Variants in RIMS1 observed in about 807,000 individuals in gnomAD.
The protein encoded by RIMS1 is regulating synaptic membrane exocytosis protein 1.
RIMS1 carries 83 observed loss-of-function variants against 214.1 expected under a neutral mutation model. That is an observed-to-expected ratio of 0.39 (90% CI 0.32 to 0.47). The LOEUF is 0.47. Among genes scored for constraint, RIMS1 ranks in the 20% least tolerant of loss-of-function variants. RIMS1 has a pLI of 0.99. For missense variants in RIMS1, 2,050 were observed against 2,161.8 expected (o/e 0.95, Z 1.03); for synonymous variants, 793 against 786.8 (o/e 1.01, Z -0.13).
At chr6:72,364,152 T>C (rs969811440) in intron 29 of RIMS1, among the ~76,000 whole-genome samples, 5 of 152,220 alleles carry the variant, frequency 3.3e-5, no homozygotes, top group Admixed American at 2.6e-4. Context: ...ATTCTGGCTT[T>C]CCTGTTTTTC....
At chr6:72,105,396 A>G (rs2034539507) in intron 4 of RIMS1, among the ~76,000 whole-genome samples, 1 of 152,128 alleles carries the variant, frequency 6.6e-6, no homozygotes, top group Non-Finnish European at 1.5e-5. Context: ...GTTCATCTTA[A>G]TATAAACGTT....
intron 1 of RIMS1, among the ~76,000 whole-genome samples, chr6:71,943,022 G>A (rs1227179484): frequency 6.6e-6 from 1 of 152,034 alleles, no homozygotes; most frequent in East Asian, 1.9e-4. Context: ...ATTATAACTT[G>A]TATTTTAAAG....
At chr6:72,209,277 C>G (rs541179297) in intron 6 of RIMS1, among the ~76,000 whole-genome samples, 1 of 152,118 alleles carries the variant, frequency 6.6e-6, no homozygotes. Flanking sequence ...CATTTTATAA[C>G]CGGAGTTGCT....
chr6:72,262,295 T>C, intron 19 of RIMS1: 1 of 900,242 alleles, frequency 1.1e-6, no homozygotes, highest in Non-Finnish European at 1.3e-6. Flanking sequence ...CTAATAATTC[T>C]GAGCTCCACA....
rs1057186474 is a variant in RIMS1, at chr6:72,182,742, C to T, written c.1271C>T (p.Ser424Leu). The T allele has an allele frequency of 3.2e-6, 5 of 1,540,842 alleles. No individual in the cohort carries two copies. Among genetic ancestry groups the T allele is most frequent in the Non-Finnish European group, 4.4e-6 (5 of 1,146,784 alleles). Residue 424 changes from serine (S) to leucine (L), a missense_variant, in exon 6 of 34, where the codon TCG becomes TTG. Ser to Leu is a moderately radical substitution (Grantham distance 145). Around this residue, in one of 6 missense-constraint regions of RIMS1, gnomAD observed 882 missense variants for 828.9 expected, o/e 1.06. Transcript: ENST00000521978. ...PAAARASPPD[S>L]PRAYSAERTA... ...GCAGCCAGGGCCTCGCCGCCGGACT[C>T]GCCGCGGGCTTACTCGGCTGAGAGA...
At chr6:72,172,550 C>T (rs888512288) in intron 4 of RIMS1, among the ~76,000 whole-genome samples, 1 of 152,108 alleles carries the variant, frequency 6.6e-6, no homozygotes, top group Non-Finnish European at 1.5e-5. Context: ...CTCTGTCCTT[C>T]CACCCAAAAT....
At chr6:71,902,010 GA>G (rs1163981433) in intron 1 of RIMS1, among the ~76,000 whole-genome samples, 1 of 152,118 alleles carries the variant, frequency 6.6e-6, no homozygotes, top group African/African-American at 2.4e-5. Context: ...GAAGGGGAAA[GA>G]AGCATGAGAA....
In RIMS1 at chr6:72,251,156, T is replaced by A; in HGVS notation, c.2545-59T>A. The A allele has an allele frequency of 1.9e-6, 3 of 1,555,354 alleles. No homozygotes were observed. In the South Asian group the frequency reaches 3.6e-5, roughly 18 times the overall value. ...AAAGTTTTGTGATATTTATTATGAT[T>A]ACTATTACATTATGTTTTGATAAAG... On this transcript the variant is annotated intron_variant, in intron 14 of 33. Coordinates refer to ENST00000521978, the MANE Select transcript of RIMS1 (RefSeq NM_014989.7).
intron 2 of RIMS1, among the ~76,000 whole-genome samples, chr6:72,088,576 G>C (rs1264761075): frequency 1.3e-5 from 2 of 152,058 alleles, no homozygotes; most frequent in African/African-American, 4.8e-5. Flanking sequence ...TTTCATGTTT[G>C]TTCTTGCTTC....
rs1399256361 is a variant in RIMS1, at chr6:71,887,270, G to A, written c.164+83G>A. 2.6e-6 allele frequency: 4 copies of A among 1,518,272 alleles called. No individual in the cohort carries two copies. The African/African-American group carries it at 4.1e-5, about 16-fold the overall frequency. The allele number at this position is 1,518,272 out of a possible 1,614,324, so 94.1% of individuals were successfully genotyped here. A position where few individuals can be genotyped will look rare whatever the true frequency, so the allele number is the denominator to read the frequency against. On this transcript the variant is annotated intron_variant, in intron 1 of 33. Coordinates refer to ENST00000521978, the MANE Select transcript of RIMS1 (RefSeq NM_014989.7). ...ACTCACTCCCCTAGTCCTCGCGGCT[G>A]AGTGTGGGGAAGGGGCTGCCAGGGT...
intron 6 of RIMS1, among the ~76,000 whole-genome samples, chr6:72,207,192 C>T (rs2053073496): frequency 6.6e-6 from 1 of 152,132 alleles, no homozygotes; most frequent in South Asian, 2.1e-4. Flanking sequence ...TTCTGGAAAA[C>T]CACTGGTTTT....
chr6:71,918,781 C>T (rs142400114), intron 1 of RIMS1, among the ~76,000 whole-genome samples: 2 of 152,200 alleles, frequency 1.3e-5, no homozygotes, highest in East Asian at 1.9e-4. Context: ...AGAGCCAGGA[C>T]AGTTCATGCA....
At chr6:72,029,120 T>C (rs1210326945) in intron 2 of RIMS1, among the ~76,000 whole-genome samples, 11 of 152,152 alleles carry the variant, frequency 7.2e-5, no homozygotes, top group Non-Finnish European at 1.0e-4. Flanking sequence ...AAGAGGAATT[T>C]TTGCTTTATT....
intron 6 of RIMS1, among the ~76,000 whole-genome samples, chr6:72,219,478 G>A (rs1298348924): frequency 6.6e-6 from 1 of 151,998 alleles, no homozygotes; most frequent in Admixed American, 6.6e-5. Flanking sequence ...TTTTAGAGAA[G>A]GTTTTACGTG....
chr6:71,976,635 G>A (rs1225567795), intron 2 of RIMS1, among the ~76,000 whole-genome samples: 3 of 151,850 alleles, frequency 2.0e-5, no homozygotes, highest in African/African-American at 7.2e-5. Flanking sequence ...GTTATTTGTG[G>A]TTTTGGTCTT....
At chr6:72,381,508 C>G (rs2098486608) in intron 29 of RIMS1, among the ~76,000 whole-genome samples, 1 of 152,126 alleles carries the variant, frequency 6.6e-6, no homozygotes, top group African/African-American at 2.4e-5. Context: ...TGGCTTTAGC[C>G]AAAATAAGAG....
At chr6:72,340,017 G>T (rs992604029) in intron 29 of RIMS1, among the ~76,000 whole-genome samples, 2 of 152,074 alleles carry the variant, frequency 1.3e-5, no homozygotes, top group African/African-American at 4.8e-5. Flanking sequence ...GTTTTGATTT[G>T]CATTTCTCTG....
intron 1 of RIMS1, among the ~76,000 whole-genome samples, chr6:71,899,227 A>C (rs1408226427): frequency 1.3e-5 from 2 of 152,084 alleles, no homozygotes; most frequent in Non-Finnish European, 2.9e-5. Flanking sequence ...TTTTACTAGC[A>C]GTAATTTAGT....
intron 1 of RIMS1, among the ~76,000 whole-genome samples, chr6:71,913,101 T>A (rs1055459122): frequency 1.3e-5 from 2 of 152,170 alleles, no homozygotes; most frequent in Non-Finnish European, 2.9e-5. Flanking sequence ...TAAATCTATG[T>A]ATGTGCTAAT....
Sources: gnomAD v4.1 joint callset for allele counts (sites outside exome capture counted in the v4.1 genomes callset) on GRCh38, gnomAD v4.1.1 for gene constraint, gnomAD v4.1.1 regional missense constraint, MANE v1.5 for transcripts, NCBI Gene and HGNC (gene_info 2026-07-23, HGNC 2026-07-21) for gene names.